Variants in LMNTD1 observed in about 807,000 individuals in gnomAD.
The protein encoded by LMNTD1 is lamin tail domain-containing protein 1.
A neutral mutation model predicts 50.9 loss-of-function variants in LMNTD1; 35 were observed. The observed-to-expected ratio is 0.69, with a 90% CI of 0.53 to 0.91. The LOEUF (loss-of-function observed/expected upper bound fraction) is 0.91, where lower values mean the gene tolerates loss of function less well. Ranked by LOEUF, LMNTD1 falls within the 40% of genes least tolerant of loss-of-function variation. The probability of loss-of-function intolerance (pLI) is 0.00; values close to 1 mark genes in which losing one functional copy is unlikely to be tolerated. For missense variants in LMNTD1, 470 were observed against 475.5 expected, an observed-to-expected ratio of 0.99 and a Z score of 0.11; for synonymous variants, 153 against 161.9, an observed-to-expected ratio of 0.94 and a Z score of 0.42.
chr12:25,560,447 C>G (rs953347755), intron 1 of LMNTD1, among the ~76,000 whole-genome samples: 2 of 152,166 alleles, frequency 1.3e-5, no homozygotes, highest in African/African-American at 4.8e-5. Context: ...TTACTCTAGC[C>G]TTGTAGTATA....
chr12:25,489,627 C>T (rs1938819664), intron 9 of LMNTD1, among the ~76,000 whole-genome samples: 1 of 151,908 alleles, frequency 6.6e-6, no homozygotes, highest in Non-Finnish European at 1.5e-5. Flanking sequence ...CGGAGCTGTT[C>T]CTATTCGGCC....
chr12:25,534,512 G>C (rs920913274), intron 4 of LMNTD1, among the ~76,000 whole-genome samples: 2 of 152,112 alleles, frequency 1.3e-5, no homozygotes, highest in Admixed American at 1.3e-4. Flanking sequence ...TGAGAGTCTG[G>C]GGAGACCAAG....
intron 9 of LMNTD1, chr12:25,500,115 G>C (rs1939303675): frequency 1.3e-5 from 2 of 152,212 alleles, no homozygotes; most frequent in South Asian, 2.1e-4. Flanking sequence ...TTTGGAAATT[G>C]ATAGATCAGC....
At position 25,544,106 on chromosome 12, in the gene LMNTD1, T is replaced by C. The variant is rs181688205; in HGVS notation, c.491+2268A>G. On this transcript the variant is annotated intron_variant, in intron 4 of 9. Coordinates refer to ENST00000458174, the MANE Select transcript of LMNTD1 (RefSeq NM_001145728.2). ...GGCCTCATTGGTCTAATGTGCAACT[T>C]AACTCTGATGTTTCTTCGTGATTTT... Among the ~76,000 whole-genome samples, 473 of 152,040 alleles carry C rather than the reference T, an allele frequency of 3.1e-3. 1 individual carries two copies. The highest frequency in any genetic ancestry group is 5.1e-3 in the Non-Finnish European group (343 of 67,844).
chr12:25,551,858 G>A lies in LMNTD1; in HGVS notation c.89+1013C>T, dbSNP rs570141494. Among the ~76,000 whole-genome samples, 14 of 152,228 alleles carry A rather than the reference G, an allele frequency of 9.2e-5. No homozygotes were observed. In the East Asian group the frequency reaches 9.6e-4, roughly 10 times the overall value. On this transcript the variant is annotated intron_variant, in intron 2 of 9. Transcript: ENST00000458174. ...CAGTGGTTAGTTAACTTTCCCTTAAGCATAAGTAATTTTCTAAGCCCCTTC... is the reference window on the plus strand; with the variant it reads ...CAGTGGTTAGTTAACTTTCCCTTAAACATAAGTAATTTTCTAAGCCCCTTC...
At chr12:25,572,128 G>A (rs1278664729) in intron 1 of LMNTD1, among the ~76,000 whole-genome samples, 1 of 152,114 alleles carries the variant, frequency 6.6e-6, no homozygotes, top group Non-Finnish European at 1.5e-5. Context: ...AACTTCATAG[G>A]TTTCAATCTC....
At chr12:25,489,251 C>T (rs1287976966) in intron 9 of LMNTD1, among the ~76,000 whole-genome samples, 2 of 150,774 alleles carry the variant, frequency 1.3e-5, no homozygotes, top group African/African-American at 4.9e-5. Flanking sequence ...GCAGTTTGAT[C>T]TCAGACTGCT....
At chr12:25,500,987 G>A (rs1939356224) in intron 9 of LMNTD1, among the ~76,000 whole-genome samples, 1 of 151,990 alleles carries the variant, frequency 6.6e-6, no homozygotes, top group Non-Finnish European at 1.5e-5. Context: ...TTGTCTGTTT[G>A]TTTGTTTTTG....
intron 4 of LMNTD1, among the ~76,000 whole-genome samples, chr12:25,527,671 TATATATATATACACACACAC>T (rs1216392443): frequency 1.8e-3 from 40 of 22,014 alleles, no homozygotes; most frequent in South Asian, 6.9e-3. Flanking sequence ...TATATATATA[TATATATATATACACACACAC>T]ACACACACAC....
rs555058806 is a variant in LMNTD1 at position 25,579,690 on chromosome 12, A to G, written c.59-33136T>C. Among the ~76,000 whole-genome samples, 48 of 152,210 alleles carry G rather than the reference A, an allele frequency of 3.2e-4. 1 individual carries two copies. The South Asian group carries it at 1.0e-2, about 32-fold the overall frequency. Reference sequence around the variant, plus strand: ...CCATCTCCCTGTGCTATCTCAGTAAAAACCAACTAAATTGCTCAAGCCAAG... The same window carrying G: ...CCATCTCCCTGTGCTATCTCAGTAAGAACCAACTAAATTGCTCAAGCCAAG... On this transcript the variant is annotated intron_variant, in intron 1 of 7. Coordinates refer to the LMNTD1 transcript ENST00000445693.
At chr12:25,569,601 C>A (rs1192226695) in intron 1 of LMNTD1, among the ~76,000 whole-genome samples, 1 of 152,076 alleles carries the variant, frequency 6.6e-6, no homozygotes, top group Non-Finnish European at 1.5e-5. Context: ...AGACGTGGGG[C>A]CTGGTAGAAG....
intron 8 of LMNTD1, among the ~76,000 whole-genome samples, chr12:25,513,438 C>A (rs1244081625): frequency 2.0e-5 from 3 of 152,166 alleles, no homozygotes; most frequent in African/African-American, 7.2e-5. Flanking sequence ...GAATTTGAGA[C>A]CAGCCTGGCC....
chr12:25,585,474 GA>G (rs1565503311), intron 1 of LMNTD1, among the ~76,000 whole-genome samples: 1 of 152,122 alleles, frequency 6.6e-6, no homozygotes, highest in Non-Finnish European at 1.5e-5. Flanking sequence ...CAACCAAAAG[GA>G]AAAAACTTCT....
intron 1 of LMNTD1, among the ~76,000 whole-genome samples, chr12:25,560,818 A>C (rs1336200993): frequency 1.3e-5 from 2 of 152,194 alleles, no homozygotes; most frequent in East Asian, 3.9e-4. Flanking sequence ...TTCACTCATG[A>C]TTTGGCTCTC....
At chr12:25,501,274 A>G (rs1360116823) in intron 9 of LMNTD1, among the ~76,000 whole-genome samples, 1 of 152,162 alleles carries the variant, frequency 6.6e-6, no homozygotes, top group African/African-American at 2.4e-5. Context: ...TACAGGTGTG[A>G]GCCACTGTGC....
rs530886829 is a variant in LMNTD1, at chr12:25,577,472, A to G, written c.59-30918T>C. ...AGCAGTTGTAAATGGGAATTCACTC[A>G]TGATTTGGCTCTCTGTTTGTCTGTT... On this transcript the variant is annotated intron_variant, in intron 1 of 7. Transcript: ENST00000445693. Among the ~76,000 whole-genome samples, 8 of 151,100 alleles carry G rather than the reference A, an allele frequency of 5.3e-5. No individual in the cohort carries two copies. In the South Asian group the frequency reaches 1.7e-3, roughly 32 times the overall value.
intron 8 of LMNTD1, among the ~76,000 whole-genome samples, chr12:25,505,164 T>C (rs1296076129): frequency 6.6e-6 from 1 of 151,634 alleles, no homozygotes; most frequent in African/African-American, 2.4e-5. Context: ...TCTGTCTGTT[T>C]CCATGTCAGT....
At chr12:25,610,243 C>A (rs917815523) in intron 1 of LMNTD1, among the ~76,000 whole-genome samples, 2 of 152,158 alleles carry the variant, frequency 1.3e-5, no homozygotes, top group African/African-American at 4.8e-5. Context: ...TACAGTCTGT[C>A]ATGGCTTCCC....
intron 4 of LMNTD1, among the ~76,000 whole-genome samples, chr12:25,533,777 G>T (rs1488126066): frequency 6.6e-6 from 1 of 152,156 alleles, no homozygotes; most frequent in Admixed American, 6.5e-5. Flanking sequence ...ACATCACTAC[G>T]ACAAGGTTCT....
Sources: gnomAD v4.1 joint callset for allele counts (sites outside exome capture counted in the v4.1 genomes callset) on GRCh38, gnomAD v4.1.1 for gene constraint, MANE v1.5 for transcripts, NCBI Gene and HGNC (gene_info 2026-07-23, HGNC 2026-07-21) for gene names.